TNFSF10: variants seen among roughly 807,000 people sequenced by gnomAD.
TNFSF10 encodes tumor necrosis factor ligand superfamily member 10.
TNFSF10 carries 13 observed loss-of-function variants against 29.5 expected under a neutral mutation model. That is an observed-to-expected ratio of 0.44 (90% CI 0.29 to 0.70). The LOEUF (loss-of-function observed/expected upper bound fraction) is 0.70, where lower values mean the gene tolerates loss of function less well. Ranked by LOEUF, TNFSF10 falls within the 30% of genes least tolerant of loss-of-function variation. The pLI is 0.13. For missense variants in TNFSF10, 345 were observed against 330.9 expected, an observed-to-expected ratio of 1.04 and a Z score of -0.33; for synonymous variants, 111 against 112.8, an observed-to-expected ratio of 0.98 and a Z score of 0.10.
rs1217984191 is a variant in TNFSF10 at position 172,517,909 on chromosome 3, C to A, written c.133-2911G>T. The A allele has an allele frequency of 3.0e-6, 3 of 985,228 alleles. No individual in the cohort carries two copies. In the African/African-American group the frequency reaches 5.2e-5, roughly 17 times the overall value. 61.0% of individuals were successfully genotyped at this position (985,228 alleles called of 1,614,324 possible). A position where few individuals can be genotyped will look rare whatever the true frequency, so the allele number is the denominator to read the frequency against. Reference sequence around the variant, plus strand: ...ATATTGATTTCTGAACAATAGAAATCCAGAGAGGAAGCCCCAGTCACTCTC... The same window carrying A: ...ATATTGATTTCTGAACAATAGAAATACAGAGAGGAAGCCCCAGTCACTCTC... On this transcript the variant is annotated intron_variant, in intron 1 of 4. Transcript: ENST00000241261.
At chr3:172,518,686 A>C (rs1713552558) in intron 1 of TNFSF10, among the ~76,000 whole-genome samples, 1 of 152,250 alleles carries the variant, frequency 6.6e-6, no homozygotes, top group Non-Finnish European at 1.5e-5. Context: ...AGCCTTCCTT[A>C]ACCCTTACAC....
intron 4 of TNFSF10, among the ~76,000 whole-genome samples, chr3:172,508,163 T>G (rs1713066929): frequency 6.6e-6 from 1 of 151,688 alleles, no homozygotes; most frequent in Admixed American, 6.6e-5. Context: ...CGTGTAGTGG[T>G]GCATGCTTGT....
At chr3:172,509,135 A>G (rs2108444738) in intron 4 of TNFSF10, 82 bp downstream of exon 4, 1 of 1,177,696 alleles carries the variant, frequency 8.5e-7, no homozygotes, top group Non-Finnish European at 1.2e-6. Context: ...AACATTTCAG[A>G]TAAAATTCTT....
At position 172,510,049 on chromosome 3, in the gene TNFSF10, T is replaced by C. The variant is rs541022164; in HGVS notation, c.314-728A>G. On this transcript the variant is annotated intron_variant, in intron 3 of 4. Coordinates refer to ENST00000241261, the MANE Select transcript of TNFSF10 (RefSeq NM_003810.4). ...AGAATCAGTTCAAACTTCCCAAGTG[T>C]GCTTACATTGGTTGTAAGTAAATTA... is the stretch of plus-strand genomic sequence containing the variant. Among the ~76,000 whole-genome samples, 19 of 151,612 alleles carry C rather than the reference T, an allele frequency of 1.3e-4. No homozygotes were observed. The South Asian group carries it at 4.0e-3, about 32-fold the overall frequency.
At chr3:172,522,842 AAAGAAC>A in intron 1 of TNFSF10, among the ~76,000 whole-genome samples, 1 of 152,236 alleles carries the variant, frequency 6.6e-6, no homozygotes, top group African/African-American at 2.4e-5. Context: ...AATGGGCACC[AAAGAAC>A]CTGTAAAAAT....
rs1713437633 is a variant in TNFSF10 at position 172,516,331 on chromosome 3, CTG to C, written c.133-1335_133-1334del. ...TAAATGAGAAAATGACAATTTTAAT[CTG>C]TTATTTGAACTAAGGTACTGCAAAG... is the stretch of plus-strand genomic sequence containing the variant. On this transcript the variant is annotated intron_variant, in intron 1 of 4. Transcript: ENST00000241261. 3.3e-5 allele frequency among the ~76,000 whole-genome samples: 5 copies of C among 151,952 alleles called. No homozygotes were observed. In the South Asian group the frequency reaches 1.0e-3, roughly 31 times the overall value.
At chr3:172,516,033 C>T (rs1456761267) in intron 1 of TNFSF10, among the ~76,000 whole-genome samples, 5 of 152,082 alleles carry the variant, frequency 3.3e-5, no homozygotes, top group East Asian at 3.9e-4. Flanking sequence ...GAGGCCGAGG[C>T]GGGTGAATCA....
chr3:172,514,927 AT>A lies in TNFSF10; in HGVS notation c.203del (p.Asn68MetfsTer6), dbSNP rs770355959. The A allele has an allele frequency of 1.2e-6, 2 of 1,614,178 alleles. No homozygotes were observed. Among genetic ancestry groups the A allele is most frequent in the Non-Finnish European group, 1.7e-6 (2 of 1,180,022 alleles). ...LKEDDSYWDPNDEESMNSPCW... is the reference protein window; with the variant it reads ...LKEDDSYWDPXDEESMNSPCW... ...AGGGGCTGTTCATACTCTCTTCGTC[AT>A]TGGGGTCCCAATAACTGTCATCTTC... On this transcript the variant is annotated frameshift_variant, in exon 2 of 5. Coordinates refer to ENST00000241261, the MANE Select transcript of TNFSF10 (RefSeq NM_003810.4). LOFTEE classifies it high-confidence loss of function.
chr3:172,511,791 T>G (rs188701104), intron 2 of TNFSF10, 132 bp from the exon 3 acceptor site: 3 of 726,424 alleles, frequency 4.1e-6, no homozygotes, highest in Non-Finnish European at 4.5e-6. Flanking sequence ...AAGTTTTAAG[T>G]TGGTCAAGCA....
chr3:172,519,165 T>G (rs1713570539), intron 1 of TNFSF10, among the ~76,000 whole-genome samples: 1 of 152,234 alleles, frequency 6.6e-6, no homozygotes, highest in Non-Finnish European at 1.5e-5. Flanking sequence ...CAGTAATTGC[T>G]CAATATCTGT....
intron 4 of TNFSF10, among the ~76,000 whole-genome samples, chr3:172,508,769 A>G (rs1416181771): frequency 2.0e-5 from 3 of 152,054 alleles, no homozygotes; most frequent in Non-Finnish European, 2.9e-5. Flanking sequence ...CGTGCCTGTA[A>G]TCCCAGCTAC....
chr3:172,520,919 C>T (rs1412331720), intron 1 of TNFSF10, among the ~76,000 whole-genome samples: 1 of 152,174 alleles, frequency 6.6e-6, no homozygotes, highest in Non-Finnish European at 1.5e-5. Flanking sequence ...ACCACCTGAT[C>T]TTTGACAAAC....
intron 4 of TNFSF10, among the ~76,000 whole-genome samples, chr3:172,508,853 C>T (rs1160075916): frequency 6.6e-6 from 1 of 151,034 alleles, no homozygotes; most frequent in Non-Finnish European, 1.5e-5. Flanking sequence ...GGTGCCATTG[C>T]ACTCCAGCCT....
intron 4 of TNFSF10, among the ~76,000 whole-genome samples, chr3:172,508,425 TA>T (rs1240197117): frequency 2.0e-5 from 3 of 152,188 alleles, no homozygotes; most frequent in Non-Finnish European, 4.4e-5. Context: ...GACATTTGTG[TA>T]AGTAAAATAT....
At chr3:172,508,744 C>T (rs761287535) in intron 4 of TNFSF10, among the ~76,000 whole-genome samples, 1 of 152,048 alleles carries the variant, frequency 6.6e-6, no homozygotes, top group Non-Finnish European at 1.5e-5. Flanking sequence ...ACAAAATTAG[C>T]CAGGCGTGGA....
Position 172,506,363 on chromosome 3 carries a change from A to T in TNFSF10, c.*129T>A, listed in dbSNP as rs553304206. 8.4e-7 allele frequency: 1 copy of T among 1,186,062 alleles called. No individual in the cohort carries two copies. The highest frequency in any genetic ancestry group is 1.7e-5 in the South Asian group (1 of 59,770). 73.5% of individuals were successfully genotyped at this position (1,186,062 alleles called of 1,614,324 possible). A position where few individuals can be genotyped will look rare whatever the true frequency, so the allele number is the denominator to read the frequency against. On this transcript the variant is annotated 3_prime_UTR_variant, in exon 5 of 5. Coordinates refer to ENST00000241261, the MANE Select transcript of TNFSF10 (RefSeq NM_003810.4). The stretch of plus-strand genomic sequence containing the variant: ...GTTGTGGCTGCTCTACTCAGATTGC[A>T]TAGAGGTTTTTTTGTTTTCTGTTTT...
At chr3:172,514,768 T>A in intron 2 of TNFSF10, 93 bp downstream of exon 2, 1 of 1,501,814 alleles carries the variant, frequency 6.7e-7, no homozygotes, top group Non-Finnish European at 9.0e-7. Flanking sequence ...AAATGAAGAG[T>A]CTAGACTTGA....
At chr3:172,517,504 T>C in intron 1 of TNFSF10, 1 of 985,150 alleles carries the variant, frequency 1.0e-6, no homozygotes, top group East Asian at 1.1e-4. Context: ...AAAGAACACT[T>C]TTCTAAAAGA....
chr3:172,511,879 C>G (rs1035705061), intron 2 of TNFSF10, among the ~76,000 whole-genome samples: 3 of 152,188 alleles, frequency 2.0e-5, no homozygotes, highest in East Asian at 1.9e-4. Context: ...AAGGGATGGT[C>G]CCCTGCCTGG....
Sources: allele counts gnomAD v4.1 joint callset (sites outside exome capture counted in the v4.1 genomes callset), GRCh38; gene constraint gnomAD v4.1.1; transcripts MANE v1.5; gene names NCBI Gene and HGNC (gene_info 2026-07-23, HGNC 2026-07-21).